Variants in ARL6IP6 observed in about 807,000 individuals in gnomAD.
ARL6IP6 encodes ARF like GTPase 6 interacting protein 6.
Under a neutral mutation model 21.5 loss-of-function variants are expected in ARL6IP6, and 22 were observed. The ratio of observed to expected loss-of-function variants is 1.02; its 90% CI spans 0.73 to 1.46. The LOEUF is 1.46. ARL6IP6 is among the 40% of genes most tolerant of loss of function. The pLI is 0.00. For missense variants in ARL6IP6, 388 were observed against 299.8 expected (o/e 1.29, Z -2.17); for synonymous variants, 164 against 125.3 (o/e 1.31, Z -2.06).
rs766614500 is a variant in ARL6IP6, at chr2:152,719,002, C to T, written c.378C>T (p.Ala126=). ...CCATTCTTCTCGCCTTCCTCCTCGCCATCGCCTACTTGATCGTTAAAGGTA... is the reference window on the plus strand; with the variant it reads ...CCATTCTTCTCGCCTTCCTCCTCGCTATCGCCTACTTGATCGTTAAAGGTA... ...LFAILLAFLL[A]IAYLIVKELH... The change falls in exon 1 of 4, where the codon GCC becomes GCT. Residue 126 remains alanine (A), a synonymous_variant. Coordinates refer to ENST00000326446, the MANE Select transcript of ARL6IP6 (RefSeq NM_152522.7). The T allele has an allele frequency of 1.3e-6, 2 of 1,577,440 alleles. No individual in the cohort carries two copies. The highest frequency in any genetic ancestry group is 8.6e-7 in the Non-Finnish European group (1 of 1,159,216).
intron 2 of ARL6IP6, among the ~76,000 whole-genome samples, chr2:152,731,465 A>G (rs988829075): frequency 4.6e-5 from 7 of 152,192 alleles, no homozygotes; most frequent in Admixed American, 2.6e-4. Context: ...GTCATCTGCT[A>G]GGGTTCTCAA....
At chr2:152,756,401 C>A (rs185179668) in intron 3 of ARL6IP6, among the ~76,000 whole-genome samples, 1 of 151,986 alleles carries the variant, frequency 6.6e-6, no homozygotes, top group East Asian at 1.9e-4. Flanking sequence ...ATCTTCATAA[C>A]CTTGGAGTAG....
At chr2:152,731,217 C>T (rs1700294175) in intron 2 of ARL6IP6, among the ~76,000 whole-genome samples, 1 of 152,186 alleles carries the variant, frequency 6.6e-6, no homozygotes, top group Non-Finnish European at 1.5e-5. Flanking sequence ...GAGAAATGAA[C>T]ACAGAGCCCA....
At chr2:152,719,880 G>T (rs1459303099) in intron 1 of ARL6IP6, 2 of 466,996 alleles carry the variant, frequency 4.3e-6, no homozygotes, top group African/African-American at 4.0e-5. Flanking sequence ...GTTTTTATTT[G>T]TCCTCATTGC....
At position 152,720,535 on chromosome 2, in the gene ARL6IP6, T is replaced by C. The variant is rs764110069; in HGVS notation, c.403T>C (p.Leu135=). The C allele has an allele frequency of 8.1e-6, 13 of 1,613,694 alleles. No individual in the cohort carries two copies. The highest frequency in any genetic ancestry group is 1.3e-5 in the African/African-American group (1 of 75,034). ...LAIAYLIVKE[L]HAENLKNEDD... is the part of the protein sequence containing the mutation. ...TAAGTCCCTCTTTGTATTTGCAGAG[T>C]TGCATGCTGAGAATTTGAAAAATGA... is the stretch of plus-strand genomic sequence containing the variant. Residue 135 remains leucine, a splice_region_variant and synonymous_variant, in exon 2 of 4, where the codon TTG becomes CTG. Transcript: ENST00000326446.
chr2:152,749,837 C>T (rs1701236909), intron 3 of ARL6IP6, among the ~76,000 whole-genome samples: 1 of 152,058 alleles, frequency 6.6e-6, no homozygotes, highest in South Asian at 2.1e-4. Context: ...AAGGTCATAC[C>T]TTCTATATAG....
intron 2 of ARL6IP6, among the ~76,000 whole-genome samples, chr2:152,732,070 T>C (rs935668660): frequency 6.6e-6 from 1 of 152,056 alleles, no homozygotes; most frequent in African/African-American, 2.4e-5. Context: ...TTTCAATCTA[T>C]GTTATTATGA....
chr2:152,719,480 A>G (rs146233601), intron 1 of ARL6IP6, among the ~76,000 whole-genome samples: 6 of 152,320 alleles, frequency 3.9e-5, no homozygotes, highest in Middle Eastern at 3.4e-3. Flanking sequence ...GCATAGTCCA[A>G]ATTTCTTCTT....
In ARL6IP6 at chr2:152,760,016, T is replaced by C. The variant is rs1338775023; in HGVS notation, c.*176T>C. 1.6e-5 allele frequency: 9 copies of C among 548,934 alleles called. No individual in the cohort carries two copies. The highest frequency in any genetic ancestry group is 3.8e-5 in the African/African-American group (2 of 52,840). 34.0% of individuals were successfully genotyped at this position (548,934 alleles called of 1,614,324 possible). A position where few individuals can be genotyped will look rare whatever the true frequency, so the allele number is the denominator to read the frequency against. On this transcript the variant is annotated 3_prime_UTR_variant, in exon 4 of 4. Transcript: ENST00000326446. Reference sequence around the variant, plus strand: ...CCTTTTAAAGCATTGTTTTAGAATGTCTGAGTATTAAGATACAGATTAATT... The same window carrying C: ...CCTTTTAAAGCATTGTTTTAGAATGCCTGAGTATTAAGATACAGATTAATT...
At chr2:152,718,014 G>T (rs1699265001), upstream of ARL6IP6, 1 of 994,852 alleles carries the variant, frequency 1.0e-6, no homozygotes, top group Non-Finnish European at 1.2e-6. Flanking sequence ...CGCGCGCCTG[G>T]GGAAGGAGGC....
At chr2:152,721,877 C>G (rs1189312746) in intron 2 of ARL6IP6, among the ~76,000 whole-genome samples, 1 of 152,204 alleles carries the variant, frequency 6.6e-6, no homozygotes, top group African/African-American at 2.4e-5. Flanking sequence ...CTGTTCTTGT[C>G]AACATCTTGC....
chr2:152,717,953 A>T, upstream of ARL6IP6: 2 of 1,007,746 alleles, frequency 2.0e-6, no homozygotes, highest in Non-Finnish European at 2.4e-6. Context: ...GGAAGGCGAA[A>T]GGAGGGGTTC....
At chr2:152,717,797 C>G, upstream of ARL6IP6, 7 of 1,172,768 alleles carry the variant, frequency 6.0e-6, no homozygotes, top group South Asian at 1.4e-4. Context: ...GCCACCTTCA[C>G]CCTCCCCGCC....
intron 3 of ARL6IP6, among the ~76,000 whole-genome samples, chr2:152,752,515 G>A (rs1461249775): frequency 6.6e-6 from 1 of 152,172 alleles, no homozygotes; most frequent in Non-Finnish European, 1.5e-5. Flanking sequence ...ATACATGAAC[G>A]AAGCAGCGAC....
chr2:152,726,910 T>C (rs537518123), intron 2 of ARL6IP6, among the ~76,000 whole-genome samples: 1 of 151,582 alleles, frequency 6.6e-6, no homozygotes, highest in Admixed American at 6.6e-5. Flanking sequence ...CTTCCAGTCA[T>C]AAAAAAAAAT....
chr2:152,720,595 T>C lies in ARL6IP6; in HGVS notation c.454+9T>C, dbSNP rs1295739164. 6.2e-7 allele frequency: 1 copy of C among 1,610,888 alleles called. No individual in the cohort carries two copies. Among genetic ancestry groups the C allele is most frequent in the East Asian group, 2.2e-5 (1 of 44,834 alleles). On this transcript the variant is annotated intron_variant, in intron 2 of 3. Coordinates refer to ENST00000326446, the MANE Select transcript of ARL6IP6 (RefSeq NM_152522.7). Reference sequence around the variant, plus strand: ...AGACACTGGACTATTAGGTATGGACTTAATTGCCGCTTGCTTTGGTTTTGA... The same window carrying C: ...AGACACTGGACTATTAGGTATGGACCTAATTGCCGCTTGCTTTGGTTTTGA...
At chr2:152,750,132 C>T (rs932609689) in intron 3 of ARL6IP6, among the ~76,000 whole-genome samples, 1 of 152,054 alleles carries the variant, frequency 6.6e-6, no homozygotes, top group Non-Finnish European at 1.5e-5. Context: ...TGTACATAAT[C>T]TTTTTGAGGT....
intron 2 of ARL6IP6, among the ~76,000 whole-genome samples, chr2:152,729,514 C>G (rs894893999): frequency 6.6e-6 from 1 of 151,726 alleles, no homozygotes; most frequent in Non-Finnish European, 1.5e-5. Flanking sequence ...ACAACTGTAC[C>G]CTTAAATACA....
intron 2 of ARL6IP6, among the ~76,000 whole-genome samples, chr2:152,734,562 C>A (rs1202946189): frequency 6.6e-6 from 1 of 152,144 alleles, no homozygotes; most frequent in African/African-American, 2.4e-5. Flanking sequence ...GCAATCTAGG[C>A]ACACTGCAAC....
Sources: gnomAD v4.1 joint callset for allele counts (sites outside exome capture counted in the v4.1 genomes callset) on GRCh38, gnomAD v4.1.1 for gene constraint, MANE v1.5 for transcripts, NCBI Gene and HGNC (gene_info 2026-07-23, HGNC 2026-07-21) for gene names.